Variants in NLRC5 observed in about 807,000 individuals in gnomAD.
NLRC5 encodes the protein protein NLRC5.
NLRC5 carries 114 observed loss-of-function variants against 206.9 expected under a neutral mutation model. That is an observed-to-expected ratio of 0.55 (90% CI 0.47 to 0.64). The LOEUF (loss-of-function observed/expected upper bound fraction) is 0.64. NLRC5 is among the 30% of genes least tolerant of loss of function. The pLI is 0.00. For missense variants in NLRC5, 2,008 were observed against 2,305.5 expected (o/e 0.87, Z 2.64); for synonymous variants, 952 against 962.8 (o/e 0.99, Z 0.21).
At chr16:57,055,856 ACT>A (rs1194364632) in intron 27 of NLRC5, among the ~76,000 whole-genome samples, 2 of 151,764 alleles carry the variant, frequency 1.3e-5, no homozygotes, top group African/African-American at 4.8e-5. Flanking sequence ...GTACCGGATG[ACT>A]CTGCCTGAGG....
At chr16:57,042,608 A>T (rs11859012) in intron 19 of NLRC5, among the ~76,000 whole-genome samples, 1 of 151,070 alleles carries the variant, frequency 6.6e-6, no homozygotes, top group Non-Finnish European at 1.5e-5. Context: ...CTCACAAAGC[A>T]CCCCCTCCTC....
intron 20 of NLRC5, 46 bp downstream of exon 20, chr16:57,043,650 C>A: frequency 6.8e-7 from 1 of 1,473,712 alleles, no homozygotes; most frequent in Non-Finnish European, 9.5e-7. Context: ...TCCCCCATCC[C>A]ACAGGTCATC....
chr16:57,014,320 A>G (rs1256614889), intron 1 of NLRC5, among the ~76,000 whole-genome samples: 17 of 152,122 alleles, frequency 1.1e-4, no homozygotes, highest in Non-Finnish European at 2.4e-4. Context: ...CCCTTTGGCC[A>G]ATTTTTTTCC....
chr16:57,030,438 A>AGATGGATGGATGGATG (rs71152231), intron 10 of NLRC5, among the ~76,000 whole-genome samples: 9,231 of 89,498 alleles, frequency 0.1, 1,452 homozygotes, highest in Middle Eastern at 0.21. Context: ...GTGGATGAAA[A>AGATGGATGGATGGATG]GATGGATGGA....
At chr16:56,993,613 T>C (rs1347139707) in intron 1 of NLRC5, among the ~76,000 whole-genome samples, 1 of 152,186 alleles carries the variant, frequency 6.6e-6, no homozygotes, top group Middle Eastern at 3.2e-3. Context: ...CAAATTTCCA[T>C]ATTTGCAAAT....
intron 13 of NLRC5, chr16:57,035,021 G>T (rs1684577): frequency 0.64 from 97,677 of 152,120 alleles, 32,044 homozygotes; most frequent in Non-Finnish European, 0.7. Flanking sequence ...GGGAGAACCA[G>T]GACAGAATTA....
intron 1 of NLRC5, among the ~76,000 whole-genome samples, chr16:57,015,343 A>C (rs1319789734): frequency 6.6e-6 from 1 of 151,986 alleles, no homozygotes; most frequent in African/African-American, 2.4e-5. Context: ...TTTAGGCTTC[A>C]CCAGGTGAAT....
chr16:57,028,174 C>G lies in NLRC5; in HGVS notation c.2159+19C>G. On this transcript the variant is annotated intron_variant, in intron 7 of 48. Coordinates refer to ENST00000688547, the MANE Select transcript of NLRC5 (RefSeq NM_001384950.1). ...TGCTGGGGTGAGCCAGGCCTTGGAG[C>G]TGAGAAGGGTCTTCAGCTGGGGATG... 1 of 1,607,364 alleles carries G rather than the reference C, an allele frequency of 6.2e-7. No individual in the cohort carries two copies. The highest frequency in any genetic ancestry group is 2.2e-5 in the East Asian group (1 of 44,766).
intron 31 of NLRC5, 32 bp from the exon 32 acceptor site, chr16:57,061,586 G>C: frequency 6.2e-7 from 1 of 1,609,300 alleles, no homozygotes; most frequent in Non-Finnish European, 8.5e-7. Flanking sequence ...CACCCTGCCA[G>C]AGCCACCTCA....
intron 4 of NLRC5, 62 bp from the exon 5 acceptor site, chr16:57,023,723 G>T: frequency 7.0e-7 from 1 of 1,429,404 alleles, no homozygotes; most frequent in Non-Finnish European, 9.7e-7. Flanking sequence ...CAAAGGTTCT[G>T]GGTAACCCCT....
intron 8 of NLRC5, 100 bp from the exon 9 acceptor site, chr16:57,029,673 A>C (rs532100087): frequency 1.2e-4 from 109 of 931,984 alleles, no homozygotes; most frequent in Non-Finnish European, 1.6e-4. Flanking sequence ...CCCCTGTCTT[A>C]TGTCTCCCAC....
intron 1 of NLRC5, among the ~76,000 whole-genome samples, chr16:57,011,136 T>G (rs549699629): frequency 6.6e-6 from 1 of 152,222 alleles, no homozygotes; most frequent in Non-Finnish European, 1.5e-5. Flanking sequence ...TTATGGGCCA[T>G]GTGCAGTGGC....
At position 57,081,696 on chromosome 16, in the gene NLRC5, A is replaced by G. The variant is rs895380508; in HGVS notation, c.5489+86A>G. The G allele has an allele frequency of 2.8e-5, 33 of 1,199,476 alleles. No homozygotes were observed. In the African/African-American group the frequency reaches 4.5e-4, roughly 16 times the overall value. The allele number at this position is 1,199,476 out of a possible 1,614,324, so 74.3% of individuals were successfully genotyped here. A position where few individuals can be genotyped will look rare whatever the true frequency, so the allele number is the denominator to read the frequency against. ...AATGGGACTCCCTGGAGGAGGCGGC[A>G]GGGCCTGGGCTGGGGATTATCAAAG... On this transcript the variant is annotated intron_variant, in intron 48 of 48. Coordinates refer to ENST00000688547, the MANE Select transcript of NLRC5 (RefSeq NM_001384950.1).
Position 57,069,856 on chromosome 16 carries a change from G to C in NLRC5, c.4520G>C (p.Ser1507Thr). The change falls in exon 37 of 49, where the codon AGC becomes ACC. Residue 1507 changes from serine (S) to threonine (T), a missense_variant. By Grantham distance (58) the Ser-to-Thr change is moderately conservative (BLOSUM62 1). Transcript: ENST00000688547. ...ACCAGGCTGACCTCCAGCTGTGTGA[G>C]CACCGAGGGCCTCGCCCACCTGGCA... ...KTFRLTSSCV[S>T]TEGLAHLASG... The C allele has an allele frequency of 6.2e-7, 1 of 1,603,994 alleles. No homozygotes were observed. The highest frequency in any genetic ancestry group is 8.5e-7 in the Non-Finnish European group (1 of 1,176,066).
intron 37 of NLRC5, among the ~76,000 whole-genome samples, 168 bp from the exon 38 acceptor site, chr16:57,070,367 G>A (rs571883275): frequency 6.6e-6 from 1 of 152,260 alleles, no homozygotes; most frequent in South Asian, 2.1e-4. Context: ...CCTGAGCCCT[G>A]GAGCTAGGGA....
chr16:57,079,764 G>A (rs1467122529), intron 46 of NLRC5, 135 bp downstream of exon 46: 5 of 654,248 alleles, frequency 7.6e-6, no homozygotes, highest in Non-Finnish European at 1.4e-5. Context: ...TTGTAAATGG[G>A]GAAGATCATC....
rs377401308 is a variant in NLRC5 at position 56,998,180 on chromosome 16, C to T, written c.-128+8563C>T. ...CTGCTAAATTCAAAGGGCCCAGCCT[C>T]AAGTCACTGATGTCTTTTTTTTTTT... On this transcript the variant is annotated intron_variant, in intron 1 of 48. Transcript: ENST00000688547. Among the ~76,000 whole-genome samples the T allele has an allele frequency of 9.3e-5, 14 of 149,958 alleles. No individual in the cohort carries two copies. The South Asian group carries it at 3.0e-3, about 32-fold the overall frequency.
intron 27 of NLRC5, among the ~76,000 whole-genome samples, chr16:57,056,759 A>C: frequency 6.6e-6 from 1 of 151,402 alleles, no homozygotes; most frequent in Non-Finnish European, 1.5e-5. Flanking sequence ...CCCAGGTTCA[A>C]GCAATTCTCC....
chr16:57,077,837 G>A, intron 42 of NLRC5, 35 bp downstream of exon 42: 1 of 1,588,452 alleles, frequency 6.3e-7, no homozygotes, highest in Non-Finnish European at 8.6e-7. Flanking sequence ...TGCCCTCTGT[G>A]CCCCCCAGGT....
Sources: gnomAD v4.1 joint callset for allele counts (sites outside exome capture counted in the v4.1 genomes callset) on GRCh38, gnomAD v4.1.1 for gene constraint, MANE v1.5 for transcripts, NCBI Gene and HGNC (gene_info 2026-07-23, HGNC 2026-07-21) for gene names.